Variants in TTC21A observed in about 807,000 individuals in gnomAD.
TTC21A encodes the protein tetratricopeptide repeat protein 21A.
TTC21A carries 128 observed loss-of-function variants against 156.4 expected under a neutral mutation model. That is an observed-to-expected ratio of 0.82 (90% CI 0.71 to 0.95). TTC21A has a LOEUF of 0.95. Among genes scored for constraint, TTC21A ranks in the 40% least tolerant of loss-of-function variants. TTC21A has a pLI of 0.00. For synonymous variants in TTC21A, 587 were observed against 617.1 expected, an observed-to-expected ratio of 0.95 and a Z score of 0.72; for missense variants, 1,435 against 1,602.3, an observed-to-expected ratio of 0.90 and a Z score of 1.78.
chr3:39,137,208 A>G lies in TTC21A; in HGVS notation c.3271A>G (p.Lys1091Glu), dbSNP rs372120382. The change falls in exon 25 of 29, where the codon AAG (lysine) becomes GAG (glutamate). Residue 1091 changes from lysine to glutamate, a missense_variant. Physicochemically the swap from Lys to Glu is moderately conservative, Grantham distance 56. Transcript: ENST00000683103. ...TAACACCTGCAGCTACATGGAGAAG[A>G]AGGAGTTGGAGCAGCAGGGTGTGAG... ...QGAESNYMEKKELEQQGVSTA... is the reference protein window; with the variant it reads ...QGAESNYMEKEELEQQGVSTA... 28 of 1,612,844 alleles carry G rather than the reference A, an allele frequency of 1.7e-5. No individual in the cohort carries two copies. The African/African-American group carries it at 2.4e-4, about 14-fold the overall frequency.
chr3:39,134,187 AG>A lies in TTC21A; in HGVS notation c.2752-30del. On this transcript the variant is annotated intron_variant, in intron 20 of 28. Transcript: ENST00000683103. This position sits in a 1 kb window ranked among gnomAD's most constrained non-coding sequence, Gnocchi z 4.6. ...CCAGGGGTTTCCCATGGTGTTTACT[AG>A]TTAGTTTATTATATCCGGCCTTGTC... 2 of 1,417,184 alleles carry A rather than the reference AG, an allele frequency of 1.4e-6. No individual in the cohort carries two copies. The highest frequency in any genetic ancestry group is 2.8e-5 in the African/African-American group (2 of 71,064). The allele number at this position is 1,417,184 out of a possible 1,614,324, so 87.8% of individuals were successfully genotyped here.
At chr3:39,109,350 A>G (rs1575486169) in intron 2 of TTC21A, 136 bp downstream of exon 2, 10 of 937,222 alleles carry the variant, frequency 1.1e-5, no homozygotes, top group Admixed American at 2.8e-5. Context: ...CTGGATTCCC[A>G]CGGGAATCCA....
chr3:39,107,939 A>G, intron 1 of TTC21A, 75 bp downstream of exon 1: 1 of 1,555,176 alleles, frequency 6.4e-7, no homozygotes, highest in African/African-American at 1.4e-5. Flanking sequence ...CTGCCCTGCT[A>G]CTCTCCTGCC....
chr3:39,123,947 T>C (rs1417849194), intron 9 of TTC21A, among the ~76,000 whole-genome samples: 1 of 152,096 alleles, frequency 6.6e-6, no homozygotes, highest in Admixed American at 6.5e-5. Flanking sequence ...TCCCTAATAG[T>C]TAAAAAAGGT....
Position 39,109,488 on chromosome 3 carries a change from G to T in TTC21A, c.157+274G>T, listed in dbSNP as rs146589489. ...GAGAGATAGCTGCATGATTCTTGAA[G>T]TAATTCCAGGCCTGGAAGCTGAGAA... On this transcript the variant is annotated intron_variant, in intron 2 of 28. Transcript: ENST00000683103. Among the ~76,000 whole-genome samples the T allele has an allele frequency of 8.7e-4, 133 of 152,294 alleles. 1 individual carries two copies. Among genetic ancestry groups the T allele is most frequent in the African/African-American group, 3.2e-3 (131 of 41,560 alleles).
Position 39,130,163 on chromosome 3 carries a change from G to T in TTC21A, c.2208+12G>T. On this transcript the variant is annotated intron_variant, in intron 16 of 28. Transcript: ENST00000683103. The surrounding 1 kb of genome is among the most constrained non-coding windows in gnomAD (Gnocchi z 4.5). ...TGAGCATTCTGGAGGTAAGTGAGAGGCCTCACAGCCTTGCCAAGTGGCCCC... is the reference window on the plus strand; with the variant it reads ...TGAGCATTCTGGAGGTAAGTGAGAGTCCTCACAGCCTTGCCAAGTGGCCCC... 6.2e-7 allele frequency: 1 copy of T among 1,613,502 alleles called. No homozygotes were observed. The highest frequency in any genetic ancestry group is 8.5e-7 in the Non-Finnish European group (1 of 1,179,750).
rs1575568402 is a variant in TTC21A at position 39,137,848 on chromosome 3, A to G, written c.3675+138A>G. The G allele has an allele frequency of 8.9e-6, 8 of 903,388 alleles. No individual in the cohort carries two copies. In the East Asian group the frequency reaches 1.3e-4, roughly 15 times the overall value. 56.0% of individuals were successfully genotyped at this position (903,388 alleles called of 1,614,324 possible). A position where few individuals can be genotyped will look rare whatever the true frequency, so the allele number is the denominator to read the frequency against. On this transcript the variant is annotated intron_variant, in intron 26 of 28. Coordinates refer to ENST00000683103, the MANE Select transcript of TTC21A (RefSeq NM_001366900.1). ...GGAAGAGGCAGGCTGAGAGGGGCAC[A>G]TGGGCGACAGACCAGAATAGGAATG...
In TTC21A at chr3:39,136,519, G is replaced by A. The variant is rs1466775829; in HGVS notation, c.3095+12G>A. ...GGTATCTACTGCTGGTGAGTTGGGT[G>A]TGGTGTGTTGAGGGGCAGCTGTGTG... On this transcript the variant is annotated intron_variant, in intron 23 of 28. Coordinates refer to ENST00000683103, the MANE Select transcript of TTC21A (RefSeq NM_001366900.1). The A allele has an allele frequency of 1.2e-6, 2 of 1,613,298 alleles. No homozygotes were observed. The highest frequency in any genetic ancestry group is 2.2e-5 in the East Asian group (1 of 44,876).
At chr3:39,121,620 T>C (rs1457084522) in intron 9 of TTC21A, among the ~76,000 whole-genome samples, 4 of 152,244 alleles carry the variant, frequency 2.6e-5, no homozygotes, top group Non-Finnish European at 4.4e-5. Context: ...AGAGTAGCTC[T>C]GAGAATTATA....
At position 39,134,387 on chromosome 3, in the gene TTC21A, T is replaced by G; in HGVS notation, c.2862+59T>G. On this transcript the variant is annotated intron_variant, in intron 21 of 28. Coordinates refer to ENST00000683103, the MANE Select transcript of TTC21A (RefSeq NM_001366900.1). This position sits in a 1 kb window ranked among gnomAD's most constrained non-coding sequence, Gnocchi z 4.6. ...CCTTCCTCCCTTCCCAGGGTCCCTGTGACCAGATGCAGGCTACTTCCTAGC... is the reference window on the plus strand; with the variant it reads ...CCTTCCTCCCTTCCCAGGGTCCCTGGGACCAGATGCAGGCTACTTCCTAGC... 10 of 1,205,632 alleles carry G rather than the reference T, an allele frequency of 8.3e-6. No homozygotes were observed. Among genetic ancestry groups the G allele is most frequent in the Non-Finnish European group, 1.1e-5 (9 of 807,224 alleles). The allele number at this position is 1,205,632 out of a possible 1,614,324, so 74.7% of individuals were successfully genotyped here. A position where few individuals can be genotyped will look rare whatever the true frequency, so the allele number is the denominator to read the frequency against.
Position 39,125,497 on chromosome 3 carries a change from A to T in TTC21A, c.1357A>T (p.Ile453Phe). The T allele has an allele frequency of 6.2e-7, 1 of 1,613,980 alleles. No homozygotes were observed. ...EKLDPYFLVC[I>F]AKEYLLFCPK... ...GCTGGACCCGTACTTCCTGGTCTGC[A>T]TTGCTAAGGAGTACTTGCTCTTCTG... is the stretch of plus-strand genomic sequence containing the variant. The change falls in exon 11 of 29, where the codon ATT becomes TTT. Residue 453 changes from isoleucine to phenylalanine, a missense_variant. Coordinates refer to ENST00000683103, the MANE Select transcript of TTC21A (RefSeq NM_001366900.1).
intron 19 of TTC21A, chr3:39,131,716 C>T (rs1408858291): frequency 1.3e-5 from 2 of 152,144 alleles, no homozygotes; most frequent in African/African-American, 2.4e-5. Flanking sequence ...ACATGGTGGG[C>T]GGGGGGTGCC....
chr3:39,136,632 G>A (rs1393665058), intron 23 of TTC21A, 125 bp downstream of exon 23: 2 of 1,261,776 alleles, frequency 1.6e-6, no homozygotes, highest in Non-Finnish European at 2.2e-6. Flanking sequence ...GACCCAGCAA[G>A]TGAGGGCCCA....
At position 39,134,232 on chromosome 3, in the gene TTC21A, G is replaced by A. The variant is rs755158090; in HGVS notation, c.2766G>A (p.Leu922=). The part of the protein sequence containing the change: ...LPTDNKVMLE[L]AQLYLLQGHL... ...CCTTGTCCCAGGTGATGCTGGAGCT[G>A]GCGCAGCTCTACCTGCTCCAGGGGC... Residue 922 remains leucine, a synonymous_variant, in exon 21 of 29, where the codon CTG becomes CTA. Transcript: ENST00000683103. The surrounding 1 kb of genome is among the most constrained non-coding windows in gnomAD (Gnocchi z 4.6). 6.2e-7 allele frequency: 1 copy of A among 1,613,366 alleles called. No homozygotes were observed. Among genetic ancestry groups the A allele is most frequent in the South Asian group, 1.1e-5 (1 of 91,058 alleles).
chr3:39,124,118 C>T (rs566448750), intron 9 of TTC21A, among the ~76,000 whole-genome samples: 3 of 152,300 alleles, frequency 2.0e-5, no homozygotes, highest in African/African-American at 4.8e-5. Flanking sequence ...AATATATGTG[C>T]TCTATGACCC....
At chr3:39,119,830 A>G in intron 7 of TTC21A, 92 bp from the exon 8 acceptor site, 1 of 827,830 alleles carries the variant, frequency 1.2e-6, no homozygotes, top group Non-Finnish European at 2.0e-6. Flanking sequence ...TAAATCTCCC[A>G]GCTGATGCTA....
chr3:39,109,285 G>A, intron 2 of TTC21A, 71 bp downstream of exon 2: 5 of 1,533,960 alleles, frequency 3.3e-6, no homozygotes, highest in Admixed American at 1.8e-5. Flanking sequence ...GCTCCACCTG[G>A]ATGCCTTCTT....
chr3:39,109,970 AGTCTCAT>A, intron 2 of TTC21A, 52 bp from the exon 3 acceptor site: 1 of 1,272,136 alleles, frequency 7.9e-7, no homozygotes, highest in Non-Finnish European at 1.1e-6. Context: ...TCAGCTACAG[AGTCTCAT>A]GTCCTCTAGT....
chr3:39,130,695 A>T lies in TTC21A; in HGVS notation c.2320-6A>T. 6.2e-7 allele frequency: 1 copy of T among 1,614,180 alleles called. No individual in the cohort carries two copies. Among genetic ancestry groups the T allele is most frequent in the Non-Finnish European group, 8.5e-7 (1 of 1,180,010 alleles). ...CCAGAGGCTAATATTTACTGTTTGC[A>T]CTAAGGCAATTGAGTATTATGAGGC... On this transcript the variant is annotated splice_polypyrimidine_tract_variant and splice_region_variant and intron_variant, in intron 17 of 28. Transcript: ENST00000683103. This position sits in a 1 kb window ranked among gnomAD's most constrained non-coding sequence, Gnocchi z 4.5.
Sources: allele counts gnomAD v4.1 joint callset (sites outside exome capture counted in the v4.1 genomes callset), GRCh38; gene constraint gnomAD v4.1.1; non-coding constraint Gnocchi (gnomAD v3.1); transcripts MANE v1.5; gene names NCBI Gene and HGNC (gene_info 2026-07-23, HGNC 2026-07-21).